DISC1: variants seen among roughly 807,000 people sequenced by gnomAD.
DISC1 encodes DISC1 scaffold protein, also known as disrupted in schizophrenia 1 protein.
DISC1 carries 57 observed loss-of-function variants against 84.5 expected under a neutral mutation model. That is an observed-to-expected ratio of 0.67 (90% CI 0.55 to 0.84). DISC1 has a LOEUF of 0.84. Ranked by LOEUF, DISC1 falls within the 40% of genes least tolerant of loss-of-function variation. The pLI is 0.00. For synonymous variants in DISC1, 411 were observed against 415.2 expected (o/e 0.99, Z 0.12); for missense variants, 1,000 against 1,057.8 (o/e 0.95, Z 0.76).
intron 3 of DISC1, among the ~76,000 whole-genome samples, chr1:231,703,379 G>A (rs1366459827): frequency 3.3e-5 from 5 of 152,234 alleles, no homozygotes; most frequent in Non-Finnish European, 7.3e-5. Flanking sequence ...CACAGCTGTA[G>A]GCAGGGAGAA....
At chr1:231,783,828 G>A (rs1274693211) in intron 6 of DISC1, among the ~76,000 whole-genome samples, 2 of 152,162 alleles carry the variant, frequency 1.3e-5, no homozygotes, top group Admixed American at 1.3e-4. Flanking sequence ...CTTCGCATCA[G>A]CACCTCGATC....
chr1:231,749,825 A>T, intron 3 of DISC1, 101 bp from the exon 4 acceptor site: 1 of 1,503,080 alleles, frequency 6.7e-7, no homozygotes, highest in Non-Finnish European at 9.2e-7. Context: ...TGATGTCATT[A>T]AGGCAAAGGT....
chr1:231,714,728 G>A (rs2068448273), intron 3 of DISC1, among the ~76,000 whole-genome samples: 1 of 151,410 alleles, frequency 6.6e-6, no homozygotes, highest in South Asian at 2.1e-4. Flanking sequence ...GAAAGATATA[G>A]GGAGAGAGAG....
intron 9 of DISC1, among the ~76,000 whole-genome samples, chr1:231,892,273 G>C (rs1421956936): frequency 6.6e-6 from 1 of 152,116 alleles, no homozygotes; most frequent in Non-Finnish European, 1.5e-5. Context: ...ATTCTATTGG[G>C]AATGATTTTT....
At chr1:231,891,145 A>G (rs2087177296) in intron 9 of DISC1, among the ~76,000 whole-genome samples, 1 of 152,202 alleles carries the variant, frequency 6.6e-6, no homozygotes, top group Non-Finnish European at 1.5e-5. Flanking sequence ...CCTGGGCCAC[A>G]CTTGAAGGAG....
chr1:231,765,235 A>G (rs1483261734), intron 4 of DISC1, among the ~76,000 whole-genome samples: 1 of 144,966 alleles, frequency 6.9e-6, no homozygotes, highest in Admixed American at 7.0e-5. Context: ...GATAATAATC[A>G]TTTTCCTTAA....
chr1:231,914,324 G>A (rs2089465355), intron 9 of DISC1, among the ~76,000 whole-genome samples: 1 of 152,206 alleles, frequency 6.6e-6, no homozygotes, highest in South Asian at 2.1e-4. Context: ...AACCCTGTCT[G>A]CAAGCGGAGC....
intron 6 of DISC1, among the ~76,000 whole-genome samples, chr1:231,791,371 G>T (rs1016650856): frequency 3.3e-5 from 5 of 152,100 alleles, no homozygotes; most frequent in Non-Finnish European, 5.9e-5. Flanking sequence ...ATTACCAGCT[G>T]GTTACCCCTG....
rs545022937 is a variant in DISC1 at position 231,900,649 on chromosome 1, T to C, written c.1982-58179T>C. Among the ~76,000 whole-genome samples the C allele has an allele frequency of 5.3e-5, 8 of 152,320 alleles. No individual in the cohort carries two copies. The East Asian group carries it at 1.4e-3, about 26-fold the overall frequency. On this transcript the variant is annotated intron_variant, in intron 9 of 12. Coordinates refer to ENST00000439617, the MANE Select transcript of DISC1 (RefSeq NM_018662.3). ...ATCAATGGCTTGTTTCAGAAAGCTT[T>C]GCAAGGAATCACTTACTCTTCTGCC...
intron 7 of DISC1, among the ~76,000 whole-genome samples, chr1:231,795,908 T>C (rs1406916374): frequency 6.6e-6 from 1 of 152,088 alleles, no homozygotes; most frequent in African/African-American, 2.4e-5. Flanking sequence ...AAAAATGCTT[T>C]CAGGATGGTA....
intron 8 of DISC1, among the ~76,000 whole-genome samples, chr1:231,807,097 C>G (rs995768465): frequency 6.6e-6 from 1 of 152,234 alleles, no homozygotes; most frequent in African/African-American, 2.4e-5. Context: ...CTCCAGTTCC[C>G]GTGTCTAAGA....
Position 232,036,689 on chromosome 1 carries a change from C to G in DISC1, c.2426-3C>G, listed in dbSNP as rs1670550927. ...CGAATGTGCTCCTTAACAATGTGCC[C>G]ACAGTCTCTCAGGAGGGAGCTCCAG... On this transcript the variant is annotated splice_polypyrimidine_tract_variant and splice_region_variant and intron_variant, in intron 12 of 12. Transcript: ENST00000439617. 1.3e-6 allele frequency: 2 copies of G among 1,588,230 alleles called. No individual in the cohort carries two copies. The highest frequency in any genetic ancestry group is 1.7e-6 in the Non-Finnish European group (2 of 1,160,284).
intron 9 of DISC1, among the ~76,000 whole-genome samples, chr1:231,843,951 A>C (rs2083267187): frequency 6.6e-6 from 1 of 152,132 alleles, no homozygotes; most frequent in African/African-American, 2.4e-5. Context: ...GTGCAGATAG[A>C]TGAGAGTGCA....
Position 231,740,851 on chromosome 1 carries a change from G to A in DISC1, c.1118-9075G>A, listed in dbSNP as rs569561046. On this transcript the variant is annotated intron_variant, in intron 3 of 12. Transcript: ENST00000439617. Reference sequence around the variant, plus strand: ...TTTGGCTGCATTTTGACTATGACCCGTCACATGAGGTCAGATGTGCAGTTT... The same window carrying A: ...TTTGGCTGCATTTTGACTATGACCCATCACATGAGGTCAGATGTGCAGTTT... Among the ~76,000 whole-genome samples the A allele has an allele frequency of 1.2e-4, 18 of 152,168 alleles. No individual in the cohort carries two copies. In the East Asian group the frequency reaches 1.7e-3, roughly 15 times the overall value.
intron 1 of DISC1, among the ~76,000 whole-genome samples, chr1:231,652,306 A>G (rs1174341333): frequency 6.6e-6 from 1 of 152,212 alleles, no homozygotes; most frequent in Non-Finnish European, 1.5e-5. Flanking sequence ...TAAGATTGTT[A>G]CTATCATGTT....
intron 4 of DISC1, among the ~76,000 whole-genome samples, chr1:231,759,142 A>C (rs1218847454): frequency 6.6e-6 from 1 of 152,142 alleles, no homozygotes. Flanking sequence ...GTGCAGCACC[A>C]TGATGCTTTT....
intron 9 of DISC1, among the ~76,000 whole-genome samples, chr1:231,899,858 C>A (rs2088008537): frequency 6.6e-6 from 1 of 152,090 alleles, no homozygotes; most frequent in African/African-American, 2.4e-5. Flanking sequence ...ATTTTCCATT[C>A]TATGTTATTT....
At chr1:231,785,721 A>G (rs2077798991) in intron 6 of DISC1, among the ~76,000 whole-genome samples, 2 of 152,340 alleles carry the variant, frequency 1.3e-5, no homozygotes, top group Non-Finnish European at 2.9e-5. Context: ...TTTACAAAAC[A>G]AGAAACAGGG....
intron 12 of DISC1, among the ~76,000 whole-genome samples, chr1:232,030,855 T>G (rs1669944607): frequency 6.6e-6 from 1 of 152,122 alleles, no homozygotes; most frequent in South Asian, 2.1e-4. Context: ...GGCTTACATC[T>G]TAATCCCGGC....
Sources: allele counts gnomAD v4.1 joint callset (sites outside exome capture counted in the v4.1 genomes callset), GRCh38; gene constraint gnomAD v4.1.1; transcripts MANE v1.5; gene names NCBI Gene and HGNC (gene_info 2026-07-23, HGNC 2026-07-21).